EIF4G3: variants seen among roughly 807,000 people sequenced by gnomAD.
EIF4G3 encodes the protein eIF-4-gamma 3.
EIF4G3 carries 34 observed loss-of-function variants against 186.4 expected under a neutral mutation model. The observed-to-expected ratio is 0.18, with a 90% confidence interval of 0.14 to 0.24. The LOEUF is 0.24. Among genes scored for constraint, EIF4G3 ranks in the 10% least tolerant of loss-of-function variants. EIF4G3 has a pLI of 1.00. For missense variants in EIF4G3, 1,536 were observed against 1,948.5 expected (o/e 0.79, Z 3.99); for synonymous variants, 673 against 679.5 (o/e 0.99, Z 0.15).
At chr1:21,164,801 C>G (rs2097828052) in intron 2 of EIF4G3, among the ~76,000 whole-genome samples, 1 of 152,096 alleles carries the variant, frequency 6.6e-6, no homozygotes, top group Non-Finnish European at 1.5e-5. Context: ...GAGTTCGAGG[C>G]TGCAGTGAGA....
At chr1:20,814,773 C>CTCCCCT (rs2060077361) in intron 34 of EIF4G3, among the ~76,000 whole-genome samples, 1 of 81,958 alleles carries the variant, frequency 1.2e-5, no homozygotes, top group Admixed American at 1.3e-4. Context: ...CCCCCTCCCC[C>CTCCCCT]TCCCCCTCCC....
chr1:20,814,751 C>CCCTCT lies in EIF4G3; in HGVS notation c.4516-1513_4516-1512insAGAGG, dbSNP rs1491481472. Among the ~76,000 whole-genome samples the CCCTCT allele has an allele frequency of 6.0e-3, 64 of 10,668 alleles. 4 individuals are homozygous for CCCTCT. Among genetic ancestry groups the CCCTCT allele is most frequent in the African/African-American group, 0.037 (62 of 1,696 alleles). The allele number at this position is 10,668 out of a possible 152,430, so 7.0% of individuals were successfully genotyped here. On this transcript the variant is annotated intron_variant, in intron 34 of 36. Transcript: ENST00000602326. ...TTTAATTAAGGTTAAAAATTCATCT[C>CCCTCT]CCCCTCCCCCTCCCCCTCCCCCTCC...
At chr1:20,971,535 G>A (rs1280276545) in intron 11 of EIF4G3, among the ~76,000 whole-genome samples, 3 of 152,162 alleles carry the variant, frequency 2.0e-5, no homozygotes, top group Admixed American at 6.6e-5. Context: ...TGACTGTAGT[G>A]TCATGATACA....
Position 21,106,727 on chromosome 1 carries a change from A to G in EIF4G3, c.-271-17514T>C, listed in dbSNP as rs887625763. Among the ~76,000 whole-genome samples the G allele has an allele frequency of 2.0e-5, 3 of 152,224 alleles. No homozygotes were observed. In the South Asian group the frequency reaches 6.2e-4, roughly 31 times the overall value. On this transcript the variant is annotated intron_variant, in intron 2 of 36. Transcript: ENST00000602326. Reference sequence around the variant, plus strand: ...ATAAAAATAGCATTTAATGCCAAAAAAAATTAAAAAATTAAAAAAAGGAAG... The same window carrying G: ...ATAAAAATAGCATTTAATGCCAAAAGAAATTAAAAAATTAAAAAAAGGAAG...
intron 2 of EIF4G3, among the ~76,000 whole-genome samples, chr1:21,120,312 G>C (rs2096903711): frequency 6.6e-6 from 1 of 151,576 alleles, no homozygotes; most frequent in Admixed American, 6.6e-5. Context: ...AGCAAAATTA[G>C]GTCAAATCAT....
intron 2 of EIF4G3, among the ~76,000 whole-genome samples, chr1:21,109,898 C>A (rs1243892819): frequency 6.6e-6 from 1 of 152,078 alleles, no homozygotes; most frequent in Non-Finnish European, 1.5e-5. Flanking sequence ...GATTCTCCCG[C>A]CTCAGCCACC....
chr1:20,845,556 G>A lies in EIF4G3; in HGVS notation c.3888+3859C>T, dbSNP rs1321195329. On this transcript the variant is annotated intron_variant, in intron 29 of 36. Transcript: ENST00000602326. ...GGGCGCCTGTAGTCTGAGCTACTTG[G>A]GAGGCTGAGGCAGGAGAATGGTGTG... Among the ~76,000 whole-genome samples, 5 of 152,060 alleles carry A rather than the reference G, an allele frequency of 3.3e-5. No homozygotes were observed. The East Asian group carries it at 9.7e-4, about 29-fold the overall frequency.
rs978720836 is a variant in EIF4G3 at position 20,899,112 on chromosome 1, T to C, written c.1999+585A>G. Among the ~76,000 whole-genome samples the C allele has an allele frequency of 1.2e-4, 18 of 152,208 alleles. No homozygotes were observed. In the South Asian group the frequency reaches 1.9e-3, roughly 16 times the overall value. On this transcript the variant is annotated intron_variant, in intron 16 of 36. Coordinates refer to ENST00000602326, the MANE Select transcript of EIF4G3 (RefSeq NM_001391906.1). ...ATATCTCAAAGTCAGTCACAGTTTA[T>C]ATAGCATTATGACAGAGGTTTAATG...
chr1:21,126,763 T>C (rs1261030932), intron 2 of EIF4G3, among the ~76,000 whole-genome samples: 4 of 152,014 alleles, frequency 2.6e-5, no homozygotes, highest in African/African-American at 9.7e-5. Flanking sequence ...TGAAGTACAG[T>C]TGTCCCTCTG....
rs988743784 is a variant in EIF4G3 at position 21,031,097 on chromosome 1, A to G, written c.-67+19769T>C. On this transcript the variant is annotated intron_variant, in intron 4 of 36. Transcript: ENST00000602326. ...GCTATTTGGGTGGCTGAGGCAGGAG[A>G]ATCACTTGAACCCAGGAGGTGTGGG... Among the ~76,000 whole-genome samples, 11 of 152,118 alleles carry G rather than the reference A, an allele frequency of 7.2e-5. 1 individual carries two copies. The highest frequency in any genetic ancestry group is 2.6e-4 in the Admixed American group (4 of 15,280).
At chr1:20,852,100 G>A (rs370698880) in intron 27 of EIF4G3, among the ~76,000 whole-genome samples, 4 of 152,146 alleles carry the variant, frequency 2.6e-5, no homozygotes, top group African/African-American at 9.7e-5. Context: ...AGGCTGGAGT[G>A]CAATGGCGTA....
At chr1:21,024,896 A>T (rs1167154206) in intron 4 of EIF4G3, among the ~76,000 whole-genome samples, 1 of 120,894 alleles carries the variant, frequency 8.3e-6, no homozygotes, top group Non-Finnish European at 1.9e-5. Flanking sequence ...ATAAAAAAAT[A>T]AATTTAAAAA....
At chr1:21,085,057 G>A (rs2095916628) in intron 3 of EIF4G3, among the ~76,000 whole-genome samples, 1 of 150,620 alleles carries the variant, frequency 6.6e-6, no homozygotes, top group Non-Finnish European at 1.5e-5. Context: ...TATTATTTAA[G>A]AAATGTTATC....
intron 2 of EIF4G3, among the ~76,000 whole-genome samples, chr1:21,127,101 G>A (rs1467924913): frequency 6.6e-6 from 1 of 151,954 alleles, no homozygotes; most frequent in Admixed American, 6.6e-5. Flanking sequence ...TCCCACTTCA[G>A]CGCCCTACCC....
chr1:20,871,773 T>C lies in EIF4G3; in HGVS notation c.2623-6511A>G, dbSNP rs565571520. On this transcript the variant is annotated intron_variant, in intron 20 of 36. Transcript: ENST00000602326. ...TTCACTTTTGGGCAACACTGGCCCG[T>C]GGACATGTCATCTTGAAAAAGCAAT... Among the ~76,000 whole-genome samples, 8 of 152,290 alleles carry C rather than the reference T, an allele frequency of 5.3e-5. No individual in the cohort carries two copies. The South Asian group carries it at 1.4e-3, about 28-fold the overall frequency.
At position 20,934,505 on chromosome 1, in the gene EIF4G3, TA is replaced by T. The variant is rs927956976; in HGVS notation, c.1663+6985del. Among the ~76,000 whole-genome samples, 10 of 151,500 alleles carry T rather than the reference TA, an allele frequency of 6.6e-5. No homozygotes were observed. In the East Asian group the frequency reaches 1.6e-3, roughly 24 times the overall value. On this transcript the variant is annotated intron_variant, in intron 14 of 36. Transcript: ENST00000602326. ...CCAGGTTTGTAAGGGGGCAGAAAGTTAAAAAAAAGGCGTACCCAGTGTCCTC... is the reference window on the plus strand; with the variant it reads ...CCAGGTTTGTAAGGGGGCAGAAAGTTAAAAAAAGGCGTACCCAGTGTCCTC...
intron 2 of EIF4G3, among the ~76,000 whole-genome samples, chr1:21,105,825 G>A (rs2096607563): frequency 6.6e-6 from 1 of 152,174 alleles, no homozygotes; most frequent in Admixed American, 6.5e-5. Context: ...CACTTTGGAA[G>A]GCCAATGTAG....
intron 13 of EIF4G3, among the ~76,000 whole-genome samples, chr1:20,944,788 A>G (rs2095869519): frequency 6.6e-6 from 1 of 151,606 alleles, no homozygotes; most frequent in African/African-American, 2.4e-5. Context: ...AAATCCCAGC[A>G]CTTTGGGAGG....
intron 3 of EIF4G3, among the ~76,000 whole-genome samples, chr1:21,067,117 A>C (rs1233100122): frequency 2.7e-5 from 4 of 149,460 alleles, no homozygotes. Context: ...CATATTAAGT[A>C]ATTTTTTTCT....
Sources: gnomAD v4.1 joint callset for allele counts (sites outside exome capture counted in the v4.1 genomes callset) on GRCh38, gnomAD v4.1.1 for gene constraint, MANE v1.5 for transcripts, NCBI Gene and HGNC (gene_info 2026-07-23, HGNC 2026-07-21) for gene names.